TBCD: variants seen among roughly 807,000 people sequenced by gnomAD.
TBCD encodes the protein tubulin folding cofactor D.
Under a neutral mutation model 169.3 loss-of-function variants are expected in TBCD, and 105 were observed. The observed-to-expected ratio is 0.62, with a 90% CI of 0.53 to 0.73. The LOEUF (loss-of-function observed/expected upper bound fraction) is 0.73, where lower values mean the gene tolerates loss of function less well. Among genes scored for constraint, TBCD ranks in the 30% least tolerant of loss-of-function variants. TBCD has a pLI of 0.00. For missense variants in TBCD, 1,444 were observed against 1,600.1 expected (o/e 0.90, Z 1.66); for synonymous variants, 700 against 643.9 (o/e 1.09, Z -1.32).
intron 7 of TBCD, among the ~76,000 whole-genome samples, chr17:82,791,840 A>G (rs1372288224): frequency 6.6e-6 from 1 of 151,904 alleles, no homozygotes; most frequent in African/African-American, 2.4e-5. Context: ...TTAAACATAG[A>G]TGGTGTGGCC....
chr17:82,752,289 G>C lies in TBCD; in HGVS notation c.96G>C (p.Glu32Asp). 6.6e-7 allele frequency: 1 copy of C among 1,512,372 alleles called. No homozygotes were observed. The highest frequency in any genetic ancestry group is 1.2e-5 in the South Asian group (1 of 81,558). 93.7% of individuals were successfully genotyped at this position (1,512,372 alleles called of 1,614,324 possible). The change falls in exon 1 of 39, where the codon GAG becomes GAC. Residue 32 changes from glutamate (E) to aspartate (D), a missense_variant. Glu to Asp is a conservative substitution (Grantham distance 45). Coordinates refer to ENST00000355528, the MANE Select transcript of TBCD (RefSeq NM_005993.5). ...AFGAALEAFG[E>D]SAETRALLGR... ...GCGCGGCGCTGGAAGCGTTCGGCGA[G>C]AGCGCGGAGACCCGGGCGCTGCTGG... is the stretch of plus-strand genomic sequence containing the variant.
Position 82,872,937 on chromosome 17 carries a change from AGCCAGGCCCGGCACCTCGTGGCCGAC to A in TBCD, c.1475+2559_1475+2584del, listed in dbSNP as rs1168495843. On this transcript the variant is annotated intron_variant, in intron 14 of 38. Coordinates refer to ENST00000355528, the MANE Select transcript of TBCD (RefSeq NM_005993.5). ...GGCACCTCGTGGCCGACGGCTTCTG[AGCCAGGCCCGGCACCTCGTGGCCGAC>A]GGCTTCTGAGCCAGGCCCGGCACCT... 1.4e-3 allele frequency among the ~76,000 whole-genome samples: 195 copies of A among 144,096 alleles called. 1 individual carries two copies. In the Middle Eastern group the frequency reaches 0.021, roughly 16 times the overall value. The allele number at this position is 144,096 out of a possible 152,430, so 94.5% of individuals were successfully genotyped here. A position where few individuals can be genotyped will look rare whatever the true frequency, so the allele number is the denominator to read the frequency against.
chr17:82,860,369 C>T (rs1027677321), intron 13 of TBCD: 43 of 985,300 alleles, frequency 4.4e-5, no homozygotes, highest in Middle Eastern at 5.2e-4. Flanking sequence ...CAGGAACTGA[C>T]TGGCTCTTTT....
chr17:82,836,894 CAGTT>C (rs1352951116), intron 13 of TBCD, among the ~76,000 whole-genome samples: 1 of 152,070 alleles, frequency 6.6e-6, no homozygotes, highest in African/African-American at 2.4e-5. Context: ...GTTCTTTGAT[CAGTT>C]AGTTCACGTA....
chr17:82,773,513 A>T (rs1212769726), intron 6 of TBCD, among the ~76,000 whole-genome samples: 1 of 152,164 alleles, frequency 6.6e-6, no homozygotes, highest in Non-Finnish European at 1.5e-5. Context: ...AAACCTTTGA[A>T]TGCTTTCATC....
intron 13 of TBCD, chr17:82,859,870 A>G (rs942081436): frequency 1.0e-6 from 1 of 985,394 alleles, no homozygotes; most frequent in Non-Finnish European, 1.2e-6. Flanking sequence ...CCCTTGAGAT[A>G]ACTGGGTTGG....
At chr17:82,937,432 C>A in intron 35 of TBCD, 72 bp downstream of exon 35, 1 of 1,366,386 alleles carries the variant, frequency 7.3e-7, no homozygotes, top group Non-Finnish European at 1.0e-6. Flanking sequence ...GGCAGGAGTC[C>A]ACGGCTCCAG....
At chr17:82,837,173 A>G (rs2054060201) in intron 13 of TBCD, among the ~76,000 whole-genome samples, 1 of 152,294 alleles carries the variant, frequency 6.6e-6, no homozygotes, top group East Asian at 1.9e-4. Context: ...TAAGCTTTCA[A>G]ATGATGATGA....
At chr17:82,875,436 CGCT>C (rs550330350) in intron 14 of TBCD, among the ~76,000 whole-genome samples, 2 of 152,212 alleles carry the variant, frequency 1.3e-5, no homozygotes, top group South Asian at 2.1e-4. Context: ...CCGAGCCCTA[CGCT>C]GCTGCTGCTG....
At chr17:82,754,745 C>T (rs1027970774) in intron 1 of TBCD, among the ~76,000 whole-genome samples, 1 of 152,156 alleles carries the variant, frequency 6.6e-6, no homozygotes, top group Non-Finnish European at 1.5e-5. Flanking sequence ...TTTGCAAAGG[C>T]AGTTTTGCTG....
chr17:82,934,960 G>A (rs1289221884), intron 34 of TBCD, among the ~76,000 whole-genome samples: 1 of 152,172 alleles, frequency 6.6e-6, no homozygotes, highest in East Asian at 1.9e-4. Context: ...CATTAGCCGG[G>A]TGTGGTGGTG....
intron 22 of TBCD, among the ~76,000 whole-genome samples, chr17:82,910,751 A>G (rs12936376): frequency 0.25 from 38,671 of 151,836 alleles, 4,931 homozygotes; most frequent in Middle Eastern, 0.32. Flanking sequence ...TTTTTAGGAG[A>G]GACGGGGTTT....
At chr17:82,850,077 GC>G (rs2055585939) in intron 13 of TBCD, among the ~76,000 whole-genome samples, 1 of 39,402 alleles carries the variant, frequency 2.5e-5, no homozygotes, top group South Asian at 7.1e-4. Flanking sequence ...TGTTGGCTGT[GC>G]TGTGCTGCTG....
rs1426468601 is a variant in TBCD at position 82,930,494 on chromosome 17, T to G, written c.2992-28T>G. The G allele has an allele frequency of 6.2e-7, 1 of 1,608,638 alleles. No individual in the cohort carries two copies. The highest frequency in any genetic ancestry group is 8.5e-7 in the Non-Finnish European group (1 of 1,178,156). On this transcript the variant is annotated intron_variant, in intron 32 of 38. Coordinates refer to ENST00000355528, the MANE Select transcript of TBCD (RefSeq NM_005993.5). The surrounding 1 kb of genome is among the most constrained non-coding windows in gnomAD (Gnocchi z 5.2). ...GGGGTGGCAGGCTCGGGGGTCCCAC[T>G]GCCTTCTGAGGTGTCTCCGTGTTGC... is the stretch of plus-strand genomic sequence containing the variant.
intron 23 of TBCD, among the ~76,000 whole-genome samples, chr17:82,917,871 G>A (rs1450212382): frequency 1.3e-5 from 2 of 152,164 alleles, no homozygotes; most frequent in Non-Finnish European, 2.9e-5. Flanking sequence ...GCCGTGAGCC[G>A]GGGAGAGTTG....
intron 13 of TBCD, among the ~76,000 whole-genome samples, chr17:82,854,702 T>C (rs1176966642): frequency 1.3e-5 from 2 of 152,128 alleles, no homozygotes; most frequent in Non-Finnish European, 2.9e-5. Flanking sequence ...AAGAGCACGG[T>C]GCTGGAGTGA....
intron 37 of TBCD, among the ~76,000 whole-genome samples, chr17:82,940,351 A>G (rs764938578): frequency 6.6e-6 from 1 of 152,140 alleles, no homozygotes; most frequent in Non-Finnish European, 1.5e-5. Flanking sequence ...GTGGAGTCCC[A>G]GGTGTCCTGC....
intron 34 of TBCD, 72 bp from the exon 35 acceptor site, chr17:82,937,199 T>G: frequency 3.5e-6 from 5 of 1,436,800 alleles, no homozygotes; most frequent in Non-Finnish European, 4.9e-6. Context: ...TGACCTTCTT[T>G]GAGACAGAAA....
intron 27 of TBCD, 96 bp downstream of exon 27, chr17:82,925,153 A>C: frequency 1.0e-6 from 1 of 976,406 alleles, no homozygotes; most frequent in Non-Finnish European, 1.5e-6. Context: ...TAATAAACCC[A>C]TCAGTGCTTG....
Sources: gnomAD v4.1 joint callset for allele counts (sites outside exome capture counted in the v4.1 genomes callset) on GRCh38, gnomAD v4.1.1 for gene constraint, Gnocchi (gnomAD v3.1) non-coding constraint, MANE v1.5 for transcripts, NCBI Gene and HGNC (gene_info 2026-07-23, HGNC 2026-07-21) for gene names.